The following ZNF772 variants were observed in gnomAD, a reference collection of about 807,000 sequenced individuals.
ZNF772 encodes zinc finger protein 772.
ZNF772 carries 8 observed loss-of-function variants against 11.0 expected under a neutral mutation model. That is an observed-to-expected ratio of 0.73 (90% CI 0.43 to 1.31). ZNF772 has a LOEUF of 1.31. ZNF772 is among the 50% of genes most tolerant of loss of function. The probability of loss-of-function intolerance (pLI) is 0.01; values close to 1 mark genes in which losing one functional copy is unlikely to be tolerated. For missense variants in ZNF772, 496 were observed against 552.3 expected, an observed-to-expected ratio of 0.90 and a Z score of 1.02; for synonymous variants, 155 against 180.4, an observed-to-expected ratio of 0.86 and a Z score of 1.13.
In ZNF772 at chr19:57,472,429, G is replaced by T. The variant is rs1210609034; in HGVS notation, c.*845C>A. 3 of 265,694 alleles carry T rather than the reference G, an allele frequency of 1.1e-5. No individual in the cohort carries two copies. The highest frequency in any genetic ancestry group is 2.2e-5 in the Non-Finnish European group (3 of 133,882). 16.5% of individuals were successfully genotyped at this position (265,694 alleles called of 1,614,324 possible). Reference sequence around the variant, plus strand: ...TCACAACAAATGCCCACTGCTTAGGGTGACCTCAATTACACAAAAAATCTT... The same window carrying T: ...TCACAACAAATGCCCACTGCTTAGGTTGACCTCAATTACACAAAAAATCTT... On this transcript the variant is annotated 3_prime_UTR_variant, in exon 4 of 4. Transcript: ENST00000356584.
chr19:57,477,165 C>A, intron 1 of ZNF772, 112 bp downstream of exon 1: 1 of 1,426,194 alleles, frequency 7.0e-7, no homozygotes, highest in Non-Finnish European at 9.6e-7. Context: ...CGAGCGCCCC[C>A]ACTGTTCTAG....
In ZNF772 at chr19:57,473,364, C is replaced by T; in HGVS notation, c.1257G>A (p.Arg419=). ...TCCCACATTCACTGCACTTATATGGCCTTTCTCCAGTGTGAATTCTATGAT... is the reference window on the plus strand; with the variant it reads ...TCCCACATTCACTGCACTTATATGGTCTTTCTCCAGTGTGAATTCTATGAT... ...VQHHRIHTGE[R]PYKCSECGKA... The change falls in exon 4 of 4, where the codon AGG becomes AGA. Residue 419 remains arginine, a synonymous_variant. Transcript: ENST00000356584. The T allele has an allele frequency of 6.2e-7, 1 of 1,614,228 alleles. No homozygotes were observed. Among genetic ancestry groups the T allele is most frequent in the Non-Finnish European group, 8.5e-7 (1 of 1,180,034 alleles).
Position 57,473,293 on chromosome 19 carries a change from T to C in ZNF772, c.1328A>G (p.His443Arg), listed in dbSNP as rs2089237032. 3 of 1,613,010 alleles carry C rather than the reference T, an allele frequency of 1.9e-6. No individual in the cohort carries two copies. Among genetic ancestry groups the C allele is most frequent in the Non-Finnish European group, 2.5e-6 (3 of 1,179,138 alleles). ...CCCATCCTAAGGCCTTTCTCCAGTG[T>C]GAATTTTCCAGTGGCGGATGAGGGA... ...RASLIRHWKI[H>R]TGERP Residue 443 changes from histidine (H) to arginine (R), a missense_variant, in exon 4 of 4, where the codon CAC becomes CGC. By Grantham distance (29) the His-to-Arg change is conservative. Transcript: ENST00000356584.
At position 57,474,374 on chromosome 19, in the gene ZNF772, A is replaced by G; in HGVS notation, c.247T>C (p.Phe83Leu). 1.2e-6 allele frequency: 2 copies of G among 1,611,748 alleles called. No homozygotes were observed. Among genetic ancestry groups the G allele is most frequent in the Non-Finnish European group, 1.7e-6 (2 of 1,179,972 alleles). Residue 83 changes from phenylalanine (F) to leucine (L), a missense_variant, in exon 4 of 4, where the codon TTT becomes CTT. Transcript: ENST00000356584. ...CTGATCTGTGACATTCCTATAGAAA[A>G]GCTCTGCTCAAAAGGTATCTCTTCA... is the stretch of plus-strand genomic sequence containing the variant. Reference protein sequence around the residue: ...EDEEIPFEQSFSIGMSQIRIP... With the variant: ...EDEEIPFEQSLSIGMSQIRIP...
At chr19:57,476,798 C>T in intron 1 of ZNF772, 126 bp from the exon 2 acceptor site, 1 of 813,492 alleles carries the variant, frequency 1.2e-6, no homozygotes. Flanking sequence ...TCTGTGCTTC[C>T]ATCTTCAAGG....
rs750718253 is a variant in ZNF772, at chr19:57,474,245, GGT to G, written c.374_375del (p.His125ProfsTer35). 7.4e-6 allele frequency: 12 copies of G among 1,614,048 alleles called. No homozygotes were observed. The South Asian group carries it at 1.3e-4, about 18-fold the overall frequency. On this transcript the variant is annotated frameshift_variant, in exon 4 of 4. Coordinates refer to ENST00000356584, the MANE Select transcript of ZNF772 (RefSeq NM_001144068.2). LOFTEE classifies it low-confidence loss of function (END_TRUNC). ...ACACACATGTATGGTTTCTGCCCTGGGTGTGTTTCCTGGTGCTCAGCCAAGTG... is the reference window on the plus strand; with the variant it reads ...ACACACATGTATGGTTTCTGCCCTGGGTGTTTCCTGGTGCTCAGCCAAGTG... ...ILHLAEHQET[H>X]PGQKPYMCVL...
Position 57,472,129 on chromosome 19 carries a change from G to A in ZNF772, c.*1145C>T, listed in dbSNP as rs1479635693. 2 of 456,256 alleles carry A rather than the reference G, an allele frequency of 4.4e-6. No individual in the cohort carries two copies. The highest frequency in any genetic ancestry group is 8.8e-6 in the Non-Finnish European group (2 of 226,954). The allele number at this position is 456,256 out of a possible 1,614,324, so 28.3% of individuals were successfully genotyped here. On this transcript the variant is annotated 3_prime_UTR_variant, in exon 4 of 4. Transcript: ENST00000356584. ...CCCTCATAATGGAGCCAGAGTAATG[G>A]AAACACATGTGGATGTACCTTTAGA... is the stretch of plus-strand genomic sequence containing the variant.
rs1292333256 is a variant in ZNF772 at position 57,473,816 on chromosome 19, C to A, written c.805G>T (p.Ala269Ser). The change falls in exon 4 of 4, where the codon GCT becomes TCT. Residue 269 changes from alanine (A) to serine (S), a missense_variant. Physicochemically the swap from Ala to Ser is moderately conservative, Grantham distance 99 (BLOSUM62 1). Transcript: ENST00000356584. ...GKTFSRKPIL[A>S]QHQRIHTGEM... ...CCAGTGTGGATTCTCTGGTGCTGAGCAAGTATGGGTTTGCGGCTAAAGGTT... is the reference window on the plus strand; with the variant it reads ...CCAGTGTGGATTCTCTGGTGCTGAGAAAGTATGGGTTTGCGGCTAAAGGTT... 1 of 1,613,348 alleles carries A rather than the reference C, an allele frequency of 6.2e-7. No homozygotes were observed. Among genetic ancestry groups the A allele is most frequent in the African/African-American group, 1.3e-5 (1 of 74,702 alleles).
rs959428526 is a variant in ZNF772, at chr19:57,472,349, A to G, written c.*925T>C. 1 of 354,190 alleles carries G rather than the reference A, an allele frequency of 2.8e-6. No homozygotes were observed. The highest frequency in any genetic ancestry group is 5.5e-6 in the Non-Finnish European group (1 of 180,308). 21.9% of individuals were successfully genotyped at this position (354,190 alleles called of 1,614,324 possible). On this transcript the variant is annotated 3_prime_UTR_variant, in exon 4 of 4. Transcript: ENST00000356584. ...TCAAGAAGCCTTGGGAATATGAAGT[A>G]TCTTCTGGGAACAAGGGACGTAATT...
rs546622691 is a variant in ZNF772, at chr19:57,470,067, C to T, written c.*3207G>A. ...TTTTTTAACTGGAAAACATCCTAAA[C>T]TCAACTAAAATGAAACCACATCGGC... is the stretch of plus-strand genomic sequence containing the variant. On this transcript the variant is annotated 3_prime_UTR_variant, in exon 4 of 4. Coordinates refer to ENST00000356584, the MANE Select transcript of ZNF772 (RefSeq NM_001144068.2). The T allele has an allele frequency of 1.3e-5, 2 of 152,298 alleles. No individual in the cohort carries two copies. The highest frequency in any genetic ancestry group is 3.9e-4 in the East Asian group (2 of 5,184). The allele number at this position is 152,298 out of a possible 1,614,324, so 9.4% of individuals were successfully genotyped here.
Position 57,475,275 on chromosome 19 carries a change from C to A in ZNF772, c.199+385G>T. 1 of 1,176,804 alleles carries A rather than the reference C, an allele frequency of 8.5e-7. No individual in the cohort carries two copies. Among genetic ancestry groups the A allele is most frequent in the African/African-American group, 1.5e-5 (1 of 64,624 alleles). 72.9% of individuals were successfully genotyped at this position (1,176,804 alleles called of 1,614,324 possible). A position where few individuals can be genotyped will look rare whatever the true frequency, so the allele number is the denominator to read the frequency against. ...CCTAGCAAGTAGCGACCATAATGGTCCCTACAATTCCTGACATAGGCAGGC... is the reference window on the plus strand; with the variant it reads ...CCTAGCAAGTAGCGACCATAATGGTACCTACAATTCCTGACATAGGCAGGC... On this transcript the variant is annotated intron_variant, in intron 3 of 3. Transcript: ENST00000356584. The surrounding 1 kb of genome is among the most constrained non-coding windows in gnomAD (Gnocchi z 4.2).
intron 1 of ZNF772, 30 bp from the exon 2 acceptor site, chr19:57,476,702 A>C: frequency 6.4e-7 from 1 of 1,560,668 alleles, no homozygotes; most frequent in Non-Finnish European, 8.7e-7. Flanking sequence ...TATGCGAGTC[A>C]AGCAATCTTG....
At position 57,471,816 on chromosome 19, in the gene ZNF772, C is replaced by A; in HGVS notation, c.*1458G>T. ...AGCCTTAATTTCAGAGTTTAAGAAGCCAAAAACATTAGAATACATATTAAA... is the reference window on the plus strand; with the variant it reads ...AGCCTTAATTTCAGAGTTTAAGAAGACAAAAACATTAGAATACATATTAAA... On this transcript the variant is annotated 3_prime_UTR_variant, in exon 4 of 4. Coordinates refer to ENST00000356584, the MANE Select transcript of ZNF772 (RefSeq NM_001144068.2). 1 of 189,454 alleles carries A rather than the reference C, an allele frequency of 5.3e-6. No homozygotes were observed. 11.7% of individuals were successfully genotyped at this position (189,454 alleles called of 1,614,324 possible).
In ZNF772 at chr19:57,477,128, T is replaced by C. The variant is rs1380817319; in HGVS notation, c.33+149A>G. ...CTCTCTGCCTGGAACGTCCTTCAAC[T>C]CGTGCTGTCAAAATGGGTCCCAAAC... is the stretch of plus-strand genomic sequence containing the variant. On this transcript the variant is annotated intron_variant, in intron 1 of 3. Coordinates refer to ENST00000356584, the MANE Select transcript of ZNF772 (RefSeq NM_001144068.2). 6.2e-5 allele frequency: 64 copies of C among 1,024,986 alleles called. No homozygotes were observed. In the Admixed American group the frequency reaches 1.3e-3, roughly 21 times the overall value. 63.5% of individuals were successfully genotyped at this position (1,024,986 alleles called of 1,614,324 possible).
chr19:57,477,205 G>C, intron 1 of ZNF772, 72 bp downstream of exon 1: 5 of 1,603,786 alleles, frequency 3.1e-6, no homozygotes, highest in Non-Finnish European at 4.3e-6. Flanking sequence ...AGTAACCCGA[G>C]GAATCGTTCA....
Position 57,472,298 on chromosome 19 carries a change from A to T in ZNF772, c.*976T>A. 1 of 398,122 alleles carries T rather than the reference A, an allele frequency of 2.5e-6. No homozygotes were observed. The highest frequency in any genetic ancestry group is 1.9e-5 in the South Asian group (1 of 53,784). 24.7% of individuals were successfully genotyped at this position (398,122 alleles called of 1,614,324 possible). A position where few individuals can be genotyped will look rare whatever the true frequency, so the allele number is the denominator to read the frequency against. On this transcript the variant is annotated 3_prime_UTR_variant, in exon 4 of 4. Coordinates refer to ENST00000356584, the MANE Select transcript of ZNF772 (RefSeq NM_001144068.2). ...TGAAAAATAGACTTCAGAGATCTTG[A>T]CATGTCCACTGAGTTCAAATTCTCC...
chr19:57,474,951 T>C lies in ZNF772; in HGVS notation c.200-530A>G. ...CCAGTGGCCTTAGCACTAATACAAC[T>C]GTAGGCACAAAGAGGCTATGGAATG... On this transcript the variant is annotated intron_variant, in intron 3 of 3. Coordinates refer to ENST00000356584, the MANE Select transcript of ZNF772 (RefSeq NM_001144068.2). 3 of 1,601,896 alleles carry C rather than the reference T, an allele frequency of 1.9e-6. No homozygotes were observed. The South Asian group carries it at 3.3e-5, about 18-fold the overall frequency.
intron 3 of ZNF772, chr19:57,474,943 AAT>A: frequency 6.3e-7 from 1 of 1,590,870 alleles, no homozygotes; most frequent in East Asian, 2.2e-5. Context: ...CCTTAGCACT[AAT>A]ACAACTGTAG....
In ZNF772 at chr19:57,470,985, C is replaced by T. The variant is rs1355616796; in HGVS notation, c.*2289G>A. The T allele has an allele frequency of 1.3e-5, 2 of 152,148 alleles. No individual in the cohort carries two copies. Among genetic ancestry groups the T allele is most frequent in the South Asian group, 2.1e-4 (1 of 4,830 alleles). The allele number at this position is 152,148 out of a possible 1,614,324, so 9.4% of individuals were successfully genotyped here. On this transcript the variant is annotated 3_prime_UTR_variant, in exon 4 of 4. Coordinates refer to ENST00000356584, the MANE Select transcript of ZNF772 (RefSeq NM_001144068.2). ...GCCAGAGTGACAGACAGACAACACACACACAGACAGATGTACATATAACTT... is the reference window on the plus strand; with the variant it reads ...GCCAGAGTGACAGACAGACAACACATACACAGACAGATGTACATATAACTT...
Sources: gnomAD v4.1 joint callset for allele counts on GRCh38, gnomAD v4.1.1 for gene constraint, Gnocchi (gnomAD v3.1) non-coding constraint, MANE v1.5 for transcripts, NCBI Gene and HGNC (gene_info 2026-07-23, HGNC 2026-07-21) for gene names.